The following RSPH3 variants were observed in gnomAD, a reference collection of about 807,000 sequenced individuals.
The protein encoded by RSPH3 is radial spoke head protein 3 homolog.
Under a neutral mutation model 43.8 loss-of-function variants are expected in RSPH3, and 21 were observed. The observed-to-expected ratio is 0.48, with a 90% CI of 0.34 to 0.69. The LOEUF is 0.69. Among genes scored for constraint, RSPH3 ranks in the 30% least tolerant of loss-of-function variants. The probability of loss-of-function intolerance (pLI) is 0.01; values close to 1 mark genes in which losing one functional copy is unlikely to be tolerated. For missense variants in RSPH3, 487 were observed against 516.0 expected, an observed-to-expected ratio of 0.94 and a Z score of 0.54; for synonymous variants, 173 against 179.8, an observed-to-expected ratio of 0.96 and a Z score of 0.30.
chr6:158,984,434 T>TATATATATA (rs1778146618), intron 3 of RSPH3, among the ~76,000 whole-genome samples: 1 of 63,708 alleles, frequency 1.6e-5, no homozygotes, highest in African/African-American at 8.1e-5. Context: ...AAAAAGTCAA[T>TATATATATA]TATATATATA....
Position 158,976,824 on chromosome 6 carries a change from T to C in RSPH3, c.*714A>G, listed in dbSNP as rs879340188. The stretch of plus-strand genomic sequence containing the variant: ...TTAGGCATTCTCTCTCTTTTTTTTC[T>C]TTTTTTTTTGAGACGGAGTTTTGCT... On this transcript the variant is annotated 3_prime_UTR_variant, in exon 8 of 8. Transcript: ENST00000367069. 6.7e-5 allele frequency: 10 copies of C among 149,470 alleles called. No individual in the cohort carries two copies. Among genetic ancestry groups the C allele is most frequent in the African/African-American group, 1.2e-4 (5 of 40,642 alleles). The allele number at this position is 149,470 out of a possible 1,614,324, so 9.3% of individuals were successfully genotyped here.
chr6:158,990,964 TACTG>T (rs1345635890), intron 2 of RSPH3, among the ~76,000 whole-genome samples: 1 of 152,070 alleles, frequency 6.6e-6, no homozygotes, highest in Non-Finnish European at 1.5e-5. Flanking sequence ...TCTTCAAATT[TACTG>T]ACTGTTTCCT....
At chr6:158,980,264 T>TA (rs1224230918) in intron 6 of RSPH3, among the ~76,000 whole-genome samples, 1 of 151,962 alleles carries the variant, frequency 6.6e-6, no homozygotes, top group Non-Finnish European at 1.5e-5. Context: ...CCGTCTCTAC[T>TA]AAAAAATACA....
intron 2 of RSPH3, among the ~76,000 whole-genome samples, chr6:158,987,985 T>C (rs1326704119): frequency 6.6e-6 from 1 of 152,238 alleles, no homozygotes; most frequent in Non-Finnish European, 1.5e-5. Flanking sequence ...ATGTTTTCTT[T>C]TGGCACATTA....
In RSPH3 at chr6:158,992,368, C is replaced by T. The variant is rs193055207; in HGVS notation, c.204+1471G>A. ...GATCACAGCTCACTGCAGCCTTGTC[C>T]TCCTGGGCTCAATCAATCCTTCTGC... On this transcript the variant is annotated intron_variant, in intron 2 of 7. Transcript: ENST00000367069. Among the ~76,000 whole-genome samples the T allele has an allele frequency of 8.0e-4, 122 of 152,078 alleles. 1 individual carries two copies. The highest frequency in any genetic ancestry group is 2.9e-3 in the African/African-American group (121 of 41,462).
Position 158,993,894 on chromosome 6 carries a change from A to G in RSPH3, c.149T>C (p.Met50Thr), listed in dbSNP as rs1478796921. ...DEEPMHYGNI[M>T]YDRRVIRGNT... Reference sequence around the variant, plus strand: ...ACCTCGAATTACCCTTCTGTCATACATTATGTTTCCATAATGCATAGGTTC... The same window carrying G: ...ACCTCGAATTACCCTTCTGTCATACGTTATGTTTCCATAATGCATAGGTTC... Residue 50 changes from methionine (M) to threonine (T), a missense_variant, in exon 2 of 8, where the codon ATG becomes ACG. By Grantham distance (81) the Met-to-Thr change is moderately conservative. Coordinates refer to ENST00000367069, the MANE Select transcript of RSPH3 (RefSeq NM_031924.8). The G allele has an allele frequency of 1.9e-6, 3 of 1,611,916 alleles. No individual in the cohort carries two copies. Among genetic ancestry groups the G allele is most frequent in the African/African-American group, 2.7e-5 (2 of 74,886 alleles).
downstream of RSPH3, among the ~76,000 whole-genome samples, chr6:158,970,325 A>C (rs1777681445): frequency 2.0e-5 from 3 of 152,196 alleles, no homozygotes; most frequent in Admixed American, 6.5e-5. Context: ...GCCCTGAACC[A>C]GTAAGTTTTC....
Position 158,977,241 on chromosome 6 carries a change from G to A in RSPH3, c.*297C>T. The stretch of plus-strand genomic sequence containing the variant: ...AAAAACTAACCCGCAAAATTAGAAG[G>A]GCTAAGGAAAAATATATTTGCTGGT... On this transcript the variant is annotated 3_prime_UTR_variant, in exon 8 of 8. Coordinates refer to ENST00000367069, the MANE Select transcript of RSPH3 (RefSeq NM_031924.8). 3.1e-6 allele frequency: 1 copy of A among 317,540 alleles called. No individual in the cohort carries two copies. The highest frequency in any genetic ancestry group is 5.7e-6 in the Non-Finnish European group (1 of 176,032). The allele number at this position is 317,540 out of a possible 1,614,324, so 19.7% of individuals were successfully genotyped here.
Position 158,993,635 on chromosome 6 carries a change from C to T in RSPH3, c.204+204G>A, listed in dbSNP as rs74640902. 0.018 allele frequency among the ~76,000 whole-genome samples: 2,708 copies of T among 152,184 alleles called. 33 individuals carry two copies. Among genetic ancestry groups the T allele is most frequent in the Middle Eastern group, 0.024 (7 of 294 alleles). ...ACACTCATTAAACAATAACTCCCTC[C>T]CTGGTCCCCTCATCCCCCAGCTCCT... On this transcript the variant is annotated intron_variant, in intron 2 of 7. Coordinates refer to ENST00000367069, the MANE Select transcript of RSPH3 (RefSeq NM_031924.8).
At chr6:158,978,786 G>A (rs935082024) in intron 6 of RSPH3, among the ~76,000 whole-genome samples, 1 of 152,092 alleles carries the variant, frequency 6.6e-6, no homozygotes, top group African/African-American at 2.4e-5. Context: ...TGATTCACCC[G>A]CCTCGGCCTC....
intron 1 of RSPH3, 91 bp from the exon 2 acceptor site, chr6:158,994,017 A>G (rs1266128741): frequency 1.5e-6 from 1 of 653,412 alleles, no homozygotes; most frequent in African/African-American, 1.8e-5. Flanking sequence ...ACTAAAATCA[A>G]TATATTTTAA....
intron 3 of RSPH3, 103 bp downstream of exon 3, chr6:158,986,177 A>C: frequency 3.7e-6 from 4 of 1,077,498 alleles, no homozygotes; most frequent in Non-Finnish European, 5.4e-6. Context: ...AGTATCAGAG[A>C]GCACAGGAGA....
At chr6:158,964,789 G>A in the RSPH3 span, among the ~76,000 whole-genome samples, 1 of 152,062 alleles carries the variant, frequency 6.6e-6, no homozygotes, top group Admixed American at 6.6e-5. Context: ...TCTTGATGGT[G>A]TCCTTTGAAG....
chr6:158,994,159 G>C (rs889965644), intron 1 of RSPH3, among the ~76,000 whole-genome samples: 29 of 152,128 alleles, frequency 1.9e-4, no homozygotes, highest in Non-Finnish European at 3.4e-4. Context: ...GCTGCAAGTT[G>C]GGAATTATGA....
At chr6:158,997,333 G>A (rs918262159) in intron 1 of RSPH3, among the ~76,000 whole-genome samples, 5 of 147,984 alleles carry the variant, frequency 3.4e-5, no homozygotes, top group Non-Finnish European at 5.9e-5. Context: ...GTGCAGTGGC[G>A]TGATCTTGGC....
chr6:158,999,640 A>G lies in RSPH3; in HGVS notation c.-90T>C. The G allele has an allele frequency of 1.2e-6, 2 of 1,613,970 alleles. No individual in the cohort carries two copies. The highest frequency in any genetic ancestry group is 1.7e-6 in the Non-Finnish European group (2 of 1,179,952). On this transcript the variant is annotated 5_prime_UTR_variant, in exon 1 of 8. Coordinates refer to ENST00000367069, the MANE Select transcript of RSPH3 (RefSeq NM_031924.8). ...TTGTGGGACCCGGAGAGATGTAAGTAGTGCCAAGGGCAAGGATTCCGCGAC... is the reference window on the plus strand; with the variant it reads ...TTGTGGGACCCGGAGAGATGTAAGTGGTGCCAAGGGCAAGGATTCCGCGAC...
intron 1 of RSPH3, among the ~76,000 whole-genome samples, chr6:158,998,131 GTTTAAC>G (rs1207751597): frequency 1.6e-4 from 23 of 146,734 alleles, no homozygotes; most frequent in African/African-American, 9.8e-5. Flanking sequence ...TTAGAGAACC[GTTTAAC>G]TTTAAGAGAA....
rs1164827111 is a variant in RSPH3, at chr6:158,983,724, T to C, written c.430A>G (p.Thr144Ala). 13 of 1,612,886 alleles carry C rather than the reference T, an allele frequency of 8.1e-6. No individual in the cohort carries two copies. Among genetic ancestry groups the C allele is most frequent in the Non-Finnish European group, 9.3e-6 (11 of 1,178,934 alleles). The change falls in exon 4 of 8, where the codon ACA becomes GCA. Residue 144 changes from threonine to alanine, a missense_variant. Thr to Ala is a moderately conservative substitution (Grantham distance 58). Coordinates refer to ENST00000367069, the MANE Select transcript of RSPH3 (RefSeq NM_031924.8). ...GTTTTGGCAGGAATAAAGAGTGGTG[T>C]TGGTGGTCTGTCCAAAAATGCATCT... ...QTDAFLDRPP[T>A]PLFIPAKTGK...
intron 2 of RSPH3, among the ~76,000 whole-genome samples, chr6:158,991,860 C>T (rs1454077320): frequency 6.6e-6 from 1 of 152,148 alleles, no homozygotes; most frequent in Non-Finnish European, 1.5e-5. Context: ...TGTTCCCCAA[C>T]TTATGTGGTT....
Sources: gnomAD v4.1 joint callset for allele counts (sites outside exome capture counted in the v4.1 genomes callset) on GRCh38, gnomAD v4.1.1 for gene constraint, MANE v1.5 for transcripts, NCBI Gene and HGNC (gene_info 2026-07-23, HGNC 2026-07-21) for gene names.